Variants in AKAP6 observed in about 807,000 individuals in gnomAD.
The protein encoded by AKAP6 is A-kinase anchoring protein 6.
A neutral mutation model predicts 188.5 loss-of-function variants in AKAP6; 58 were observed. The observed-to-expected ratio is 0.31, with a 90% confidence interval of 0.25 to 0.38. The LOEUF (loss-of-function observed/expected upper bound fraction) is 0.38, where lower values mean the gene tolerates loss of function less well. Among genes scored for constraint, AKAP6 ranks in the 10% least tolerant of loss-of-function variants. The pLI is 1.00. For synonymous variants in AKAP6, 989 were observed against 998.6 expected, an observed-to-expected ratio of 0.99 and a Z score of 0.18; for missense variants, 2,710 against 2,740.0, an observed-to-expected ratio of 0.99 and a Z score of 0.24.
chr14:32,348,345 G>A (rs1211920066), intron 1 of AKAP6, among the ~76,000 whole-genome samples: 2 of 151,082 alleles, frequency 1.3e-5, no homozygotes, highest in East Asian at 2.0e-4. Context: ...AGAATGTTTA[G>A]TAAGAAGAAT....
At chr14:32,714,545 C>T (rs1185352847) in intron 9 of AKAP6, among the ~76,000 whole-genome samples, 3 of 151,926 alleles carry the variant, frequency 2.0e-5, no homozygotes, top group Non-Finnish European at 4.4e-5. Flanking sequence ...TTCTTAGACA[C>T]TTTCCTTTTC....
At chr14:32,444,925 A>C (rs1027593690) in intron 2 of AKAP6, among the ~76,000 whole-genome samples, 3 of 152,246 alleles carry the variant, frequency 2.0e-5, no homozygotes, top group African/African-American at 7.2e-5. Flanking sequence ...ATTGTCACTA[A>C]GGGTGATTCT....
rs150539105 is a variant in AKAP6, at chr14:32,735,826, C to T, written c.3316C>T (p.Leu1106=). The T allele has an allele frequency of 2.0e-5, 33 of 1,612,978 alleles. No homozygotes were observed. The Middle Eastern group carries it at 4.9e-4, about 24-fold the overall frequency. ...DTELFIFNSC[L]RQEKEGTMNT... ...AGAGCTTTTCATCTTCAATTCCTGT[C>T]TGAGACAAGAAAAGGAAGGAACAAT... Residue 1106 remains leucine, a synonymous_variant, in exon 11 of 14, where the codon CTG becomes TTG. Coordinates refer to ENST00000280979, the MANE Select transcript of AKAP6 (RefSeq NM_004274.5).
intron 1 of AKAP6, among the ~76,000 whole-genome samples, chr14:32,390,534 C>T (rs1485149396): frequency 1.3e-5 from 2 of 152,104 alleles, no homozygotes; most frequent in Non-Finnish European, 1.5e-5. Context: ...TTTTGTCCCA[C>T]AGTGTGTTCC....
At chr14:32,778,639 T>C (rs1036319185) in intron 12 of AKAP6, among the ~76,000 whole-genome samples, 11 of 152,136 alleles carry the variant, frequency 7.2e-5, no homozygotes, top group Non-Finnish European at 1.3e-4. Context: ...CTTGACCTCC[T>C]GGGTGCAAGC....
chr14:32,503,979 ATTATT>A (rs1241782606), intron 2 of AKAP6, among the ~76,000 whole-genome samples: 3 of 151,862 alleles, frequency 2.0e-5, no homozygotes, highest in Non-Finnish European at 2.9e-5. Context: ...TGATATATTA[ATTATT>A]TTATAAGTAT....
At chr14:32,611,324 G>T (rs1007988107) in intron 7 of AKAP6, among the ~76,000 whole-genome samples, 10 of 152,184 alleles carry the variant, frequency 6.6e-5, no homozygotes, top group African/African-American at 2.4e-4. Flanking sequence ...ATATCTAGGT[G>T]TGTAACCTGG....
At chr14:32,602,801 C>T (rs1355026678) in intron 7 of AKAP6, among the ~76,000 whole-genome samples, 3 of 152,136 alleles carry the variant, frequency 2.0e-5, no homozygotes, top group South Asian at 2.1e-4. Context: ...AGGTAACTTC[C>T]TTAAGGTCGC....
Position 32,823,042 on chromosome 14 carries a change from C to T in AKAP6, c.5229C>T (p.Thr1743=). Reference sequence around the variant, plus strand: ...GCATGATTGTTAATGTCTCTTGCACCTCTGCTTGCACTGATGATGAAGATG... The same window carrying T: ...GCATGATTGTTAATGTCTCTTGCACTTCTGCTTGCACTGATGATGAAGATG... ...NVSMIVNVSC[T]SACTDDEDDS... The change falls in exon 13 of 14, where the codon ACC becomes ACT. Residue 1743 remains threonine (T), a synonymous_variant. Transcript: ENST00000280979. 1 of 1,613,806 alleles carries T rather than the reference C, an allele frequency of 6.2e-7. No individual in the cohort carries two copies. The highest frequency in any genetic ancestry group is 8.5e-7 in the Non-Finnish European group (1 of 1,179,892).
At chr14:32,659,908 A>G (rs7157153) in intron 7 of AKAP6, among the ~76,000 whole-genome samples, 1 of 152,100 alleles carries the variant, frequency 6.6e-6, no homozygotes, top group African/African-American at 2.4e-5. Context: ...ACAAACAAAC[A>G]TAAGATTTCC....
At chr14:32,477,307 G>T (rs897035270) in intron 2 of AKAP6, among the ~76,000 whole-genome samples, 3 of 152,160 alleles carry the variant, frequency 2.0e-5, no homozygotes, top group Non-Finnish European at 4.4e-5. Flanking sequence ...TTACCAAGTT[G>T]CTCATTTACT....
chr14:32,335,632 G>T (rs1488474926), intron 1 of AKAP6, among the ~76,000 whole-genome samples: 1 of 152,090 alleles, frequency 6.6e-6, no homozygotes, highest in Admixed American at 6.6e-5. Context: ...AGGTTTATTT[G>T]TCACCACCAT....
intron 2 of AKAP6, among the ~76,000 whole-genome samples, chr14:32,464,750 A>C (rs1392625600): frequency 1.3e-5 from 2 of 152,202 alleles, no homozygotes; most frequent in African/African-American, 4.8e-5. Context: ...GGTCAGGGCA[A>C]TCAGGCAAGA....
chr14:32,350,776 T>A (rs926660637), intron 1 of AKAP6, among the ~76,000 whole-genome samples: 1 of 152,008 alleles, frequency 6.6e-6, no homozygotes, highest in African/African-American at 2.4e-5. Context: ...TAAATAAATA[T>A]ATATATGTAT....
At chr14:32,584,911 A>G (rs369865484) in intron 5 of AKAP6, among the ~76,000 whole-genome samples, 7 of 152,162 alleles carry the variant, frequency 4.6e-5, no homozygotes, top group East Asian at 1.9e-4. Flanking sequence ...CATTTAAGCC[A>G]TTTTCCCCAA....
intron 11 of AKAP6, among the ~76,000 whole-genome samples, chr14:32,762,094 A>T (rs1005919954): frequency 2.0e-5 from 3 of 152,212 alleles, no homozygotes; most frequent in Non-Finnish European, 2.9e-5. Flanking sequence ...ATTTTGTAGT[A>T]TAATGGCTAA....
At chr14:32,657,001 G>A (rs1444372096) in intron 7 of AKAP6, among the ~76,000 whole-genome samples, 2 of 152,120 alleles carry the variant, frequency 1.3e-5, no homozygotes, top group Non-Finnish European at 2.9e-5. Flanking sequence ...TCATAATACA[G>A]TTTATAGAAT....
chr14:32,343,825 C>T (rs531912529), intron 1 of AKAP6, among the ~76,000 whole-genome samples: 1 of 148,242 alleles, frequency 6.7e-6, no homozygotes, highest in Non-Finnish European at 1.5e-5. Flanking sequence ...CTAGCAGTAT[C>T]TCTGCTTGGC....
At chr14:32,434,410 T>C (rs2383302) in intron 2 of AKAP6, among the ~76,000 whole-genome samples, 96,197 of 152,094 alleles carry the variant, frequency 0.63, 32,527 homozygotes, top group African/African-American at 0.88. Context: ...TGACTGTTGG[T>C]GATAATGAAA....
Sources: allele counts gnomAD v4.1 joint callset (sites outside exome capture counted in the v4.1 genomes callset), GRCh38; gene constraint gnomAD v4.1.1; transcripts MANE v1.5; gene names NCBI Gene and HGNC (gene_info 2026-07-23, HGNC 2026-07-21).